EFR3A: variants seen among roughly 807,000 people sequenced by gnomAD.
The protein encoded by EFR3A is protein EFR3 homolog A.
EFR3A carries 76 observed loss-of-function variants against 104.4 expected under a neutral mutation model. The observed-to-expected ratio is 0.73, with a 90% CI of 0.60 to 0.88. The LOEUF (loss-of-function observed/expected upper bound fraction) is 0.88, where lower values mean the gene tolerates loss of function less well. Ranked by LOEUF, EFR3A falls within the 40% of genes least tolerant of loss-of-function variation. The probability of loss-of-function intolerance (pLI) is 0.00; values close to 1 mark genes in which losing one functional copy is unlikely to be tolerated. For missense variants in EFR3A, 985 were observed against 1,012.5 expected (o/e 0.97, Z 0.37); for synonymous variants, 330 against 330.0 (o/e 1.00, Z 0.00).
At position 131,978,569 on chromosome 8, in the gene EFR3A, G is replaced by A. The variant is rs577571882; in HGVS notation, c.1327-278G>A. On this transcript the variant is annotated intron_variant, in intron 12 of 22. Coordinates refer to ENST00000254624, the MANE Select transcript of EFR3A (RefSeq NM_015137.6). ...GCGATTCACTAGTGTCTACCTTACA[G>A]GGATATGGTGAGGACAAAGTTAATA... Among the ~76,000 whole-genome samples, 53 of 152,232 alleles carry A rather than the reference G, an allele frequency of 3.5e-4. 1 individual carries two copies. The South Asian group carries it at 7.1e-3, about 20-fold the overall frequency.
rs1031407028 is a variant in EFR3A, at chr8:132,011,422, C to G, written c.*527C>G. The G allele has an allele frequency of 5.1e-6, 5 of 985,458 alleles. No homozygotes were observed. Among genetic ancestry groups the G allele is most frequent in the Admixed American group, 1.2e-4 (2 of 16,312 alleles). The allele number at this position is 985,458 out of a possible 1,614,324, so 61.0% of individuals were successfully genotyped here. A position where few individuals can be genotyped will look rare whatever the true frequency, so the allele number is the denominator to read the frequency against. ...GGATAGGCACCTTGCTATTCAGTTA[C>G]TATAATAATATGTGATAGGCATTCC... On this transcript the variant is annotated 3_prime_UTR_variant, in exon 23 of 23. Coordinates refer to ENST00000254624, the MANE Select transcript of EFR3A (RefSeq NM_015137.6).
In EFR3A at chr8:131,904,106, C is replaced by T. The variant is rs1816110517; in HGVS notation, c.-207C>T. 8.2e-6 allele frequency: 4 copies of T among 490,044 alleles called. No individual in the cohort carries two copies. Among genetic ancestry groups the T allele is most frequent in the Non-Finnish European group, 1.3e-5 (4 of 317,270 alleles). The allele number at this position is 490,044 out of a possible 1,614,324, so 30.4% of individuals were successfully genotyped here. ...CGGGCGTGGGTCGTCCGTCGCGCCG[C>T]CCGGCGAGGAGTGGGCTGGCGGCGG... On this transcript the variant is annotated 5_prime_UTR_variant, in exon 1 of 23. Transcript: ENST00000254624.
intron 8 of EFR3A, among the ~76,000 whole-genome samples, chr8:131,964,987 T>C (rs1444166488): frequency 1.3e-5 from 2 of 152,114 alleles, no homozygotes; most frequent in East Asian, 1.9e-4. Context: ...ATTTACTAAA[T>C]GGTGCTGGGA....
At chr8:131,923,778 C>G (rs1817169185) in intron 1 of EFR3A, among the ~76,000 whole-genome samples, 1 of 152,062 alleles carries the variant, frequency 6.6e-6, no homozygotes, top group Non-Finnish European at 1.5e-5. Flanking sequence ...TGCCAGTGCG[C>G]ACTCAGAAGA....
intron 18 of EFR3A, among the ~76,000 whole-genome samples, chr8:131,992,861 A>G (rs955317021): frequency 6.6e-6 from 1 of 152,128 alleles, no homozygotes; most frequent in East Asian, 1.9e-4. Flanking sequence ...CTTTTAATTC[A>G]CAAGCAGTTT....
chr8:132,005,640 G>T (rs911412085), intron 22 of EFR3A, among the ~76,000 whole-genome samples: 6 of 151,952 alleles, frequency 3.9e-5, no homozygotes, highest in Admixed American at 2.0e-4. Flanking sequence ...TTATTCTCAC[G>T]ATCGTCTCCT....
intron 22 of EFR3A, among the ~76,000 whole-genome samples, chr8:132,010,449 T>TATATATATATATATATATATATAA (rs1326843233): frequency 7.8e-6 from 1 of 128,402 alleles, no homozygotes; most frequent in African/African-American, 2.9e-5. Context: ...TATATATATA[T>TATATATATATATATATATATATAA]AATGAAATAC....
In EFR3A at chr8:131,984,308, T is replaced by C. The variant is rs1461299495; in HGVS notation, c.1737+8T>C. 5.8e-6 allele frequency: 9 copies of C among 1,546,340 alleles called. No homozygotes were observed. The highest frequency in any genetic ancestry group is 7.8e-6 in the Non-Finnish European group (9 of 1,148,784). On this transcript the variant is annotated splice_region_variant and intron_variant, in intron 15 of 22. Transcript: ENST00000254624. ...CTGGCCATTGCTTTACAGGTATGCT[T>C]TCATAACCGTTCACTGCAGAAAACA...
intron 8 of EFR3A, among the ~76,000 whole-genome samples, chr8:131,967,084 C>T (rs1014832771): frequency 2.2e-4 from 33 of 152,134 alleles, no homozygotes; most frequent in African/African-American, 7.7e-4. Context: ...CTAATAATTG[C>T]ACAAGGTTCA....
At chr8:131,955,944 C>G (rs1818966183) in intron 7 of EFR3A, 39 bp downstream of exon 7, 3 of 1,607,410 alleles carry the variant, frequency 1.9e-6, no homozygotes, top group Non-Finnish European at 2.6e-6. Flanking sequence ...TGTGATTTTG[C>G]TGTATTAATT....
chr8:131,909,424 A>G (rs1403494160), intron 1 of EFR3A, among the ~76,000 whole-genome samples: 1 of 152,038 alleles, frequency 6.6e-6, no homozygotes, highest in Non-Finnish European at 1.5e-5. Context: ...GTACATGCCT[A>G]TAGTCCTAGC....
Position 131,953,820 on chromosome 8 carries a change from T to G in EFR3A, c.491T>G (p.Ile164Arg). 1 of 1,513,398 alleles carries G rather than the reference T, an allele frequency of 6.6e-7. No homozygotes were observed. Among genetic ancestry groups the G allele is most frequent in the Non-Finnish European group, 8.8e-7 (1 of 1,130,916 alleles). 93.7% of individuals were successfully genotyped at this position (1,513,398 alleles called of 1,614,324 possible). Residue 164 changes from isoleucine to arginine, a missense_variant and splice_region_variant, in exon 6 of 23, where the codon ATA becomes AGA. By Grantham distance (97) the Ile-to-Arg change is moderately conservative (BLOSUM62 -3). Transcript: ENST00000254624. ...CHSDPEIRTE[I>R]RIAGIRGIQG... The stretch of plus-strand genomic sequence containing the variant: ...TTCCTTTTTTTTTTTTTTTATAGGA[T>G]ACGAATTGCTGGAATTAGAGGTATT...
intron 8 of EFR3A, among the ~76,000 whole-genome samples, chr8:131,964,945 G>C (rs1432428908): frequency 6.6e-6 from 1 of 152,114 alleles, no homozygotes; most frequent in Non-Finnish European, 1.5e-5. Context: ...TGGCAAACCT[G>C]AGAAAAACAA....
At chr8:131,976,981 A>T in intron 11 of EFR3A, 60 bp from the exon 12 acceptor site, 1 of 1,145,190 alleles carries the variant, frequency 8.7e-7, no homozygotes, top group Non-Finnish European at 1.2e-6. Context: ...CAGTAATTGA[A>T]GTAAATGAAG....
At chr8:131,923,012 AGAAT>A (rs917076172) in intron 1 of EFR3A, among the ~76,000 whole-genome samples, 3 of 152,192 alleles carry the variant, frequency 2.0e-5, no homozygotes, top group Admixed American at 6.5e-5. Context: ...TGTTCTCCGC[AGAAT>A]GAATGGTATG....
Position 131,946,507 on chromosome 8 carries a change from A to T in EFR3A, c.240A>T (p.Ala80=). Residue 80 remains alanine (A), a synonymous_variant, in exon 4 of 23, where the codon GCA becomes GCT. Coordinates refer to ENST00000254624, the MANE Select transcript of EFR3A (RefSeq NM_015137.6). ...GGTATGTTTTGATTGCTATGGAGGC[A>T]CTGGACCAACTTCTCATGGCTTGCC... ...RSGYVLIAME[A]LDQLLMACHS... The T allele has an allele frequency of 6.2e-7, 1 of 1,604,278 alleles. No homozygotes were observed. Among genetic ancestry groups the T allele is most frequent in the African/African-American group, 1.3e-5 (1 of 74,494 alleles).
At chr8:132,003,550 A>C (rs566711680) in intron 22 of EFR3A, among the ~76,000 whole-genome samples, 1 of 152,024 alleles carries the variant, frequency 6.6e-6, no homozygotes, top group South Asian at 2.1e-4. Context: ...ATGATCTCTT[A>C]AGTACATCTG....
At position 131,909,714 on chromosome 8, in the gene EFR3A, A is replaced by G. The variant is rs560352547; in HGVS notation, c.10+5392A>G. 1.8e-4 allele frequency among the ~76,000 whole-genome samples: 27 copies of G among 152,242 alleles called. No individual in the cohort carries two copies. In the East Asian group the frequency reaches 3.7e-3, roughly 21 times the overall value. Reference sequence around the variant, plus strand: ...GATGTCTGGGACAGGTTTAGGGGTAACAGGGGCTGTCCTATGCACTATAGG... The same window carrying G: ...GATGTCTGGGACAGGTTTAGGGGTAGCAGGGGCTGTCCTATGCACTATAGG... On this transcript the variant is annotated intron_variant, in intron 1 of 22. Coordinates refer to ENST00000254624, the MANE Select transcript of EFR3A (RefSeq NM_015137.6).
intron 22 of EFR3A, among the ~76,000 whole-genome samples, chr8:132,004,756 T>G (rs1369032332): frequency 6.6e-6 from 1 of 152,160 alleles, no homozygotes; most frequent in Non-Finnish European, 1.5e-5. Flanking sequence ...TAGACACTAT[T>G]TTTTTGATTT....
Sources: gnomAD v4.1 joint callset for allele counts (sites outside exome capture counted in the v4.1 genomes callset) on GRCh38, gnomAD v4.1.1 for gene constraint, MANE v1.5 for transcripts, NCBI Gene and HGNC (gene_info 2026-07-23, HGNC 2026-07-21) for gene names.